PACSIN1: variants seen among roughly 807,000 people sequenced by gnomAD.
The protein encoded by PACSIN1 is protein kinase C and casein kinase substrate in neurons protein 1.
In PACSIN1, 15 loss-of-function variants were observed where a neutral mutation model predicts 59.5. That is an observed-to-expected ratio of 0.25 (90% CI 0.17 to 0.39). The LOEUF is 0.39. Among genes scored for constraint, PACSIN1 ranks in the 10% least tolerant of loss-of-function variants. PACSIN1 has a pLI of 1.00. For synonymous variants in PACSIN1, 210 were observed against 220.6 expected, an observed-to-expected ratio of 0.95 and a Z score of 0.42; for missense variants, 420 against 580.2, an observed-to-expected ratio of 0.72 and a Z score of 2.84.
rs1767399134 is a variant in PACSIN1 at position 34,521,899 on chromosome 6, G to A, written c.-63-4344G>A. On this transcript the variant is annotated intron_variant, in intron 1 of 9. Transcript: ENST00000244458. The surrounding 1 kb of genome is among the most constrained non-coding windows in gnomAD (Gnocchi z 4.3). ...ACACGGTCTCACAGCCCATACATGA[G>A]AGAGCCAGGGTTTGAATCCAGATTA... Among the ~76,000 whole-genome samples, 1 of 152,188 alleles carries A rather than the reference G, an allele frequency of 6.6e-6. No homozygotes were observed. The highest frequency in any genetic ancestry group is 1.5e-5 in the Non-Finnish European group (1 of 68,034).
At chr6:34,473,942 G>A (rs543690157) in intron 1 of PACSIN1, among the ~76,000 whole-genome samples, 127 of 152,088 alleles carry the variant, frequency 8.4e-4, no homozygotes, top group African/African-American at 2.9e-3. Flanking sequence ...TATTCACTTA[G>A]TATTCACATT....
chr6:34,517,483 C>T (rs1028705580), intron 1 of PACSIN1, among the ~76,000 whole-genome samples: 3 of 152,144 alleles, frequency 2.0e-5, no homozygotes, highest in Non-Finnish European at 4.4e-5. Flanking sequence ...AGGCCCTCCC[C>T]AGTTCCCTCC....
intron 1 of PACSIN1, among the ~76,000 whole-genome samples, chr6:34,473,704 T>G (rs1766602594): frequency 6.6e-6 from 1 of 152,196 alleles, no homozygotes; most frequent in South Asian, 2.1e-4. Context: ...TGTTTCCTCT[T>G]CTGTCTTTTA....
rs1353640639 is a variant in PACSIN1 at position 34,514,313 on chromosome 6, T to A, written c.-63-11930T>A. ...CAGCTAGCCCAGGAACCTTGGACTC[T>A]CCAATTCTTTTACAGCTGTGGCCCT... On this transcript the variant is annotated intron_variant, in intron 1 of 9. Transcript: ENST00000244458. The surrounding 1 kb of genome is among the most constrained non-coding windows in gnomAD (Gnocchi z 4.4). Among the ~76,000 whole-genome samples the A allele has an allele frequency of 6.6e-6, 1 of 151,994 alleles. No homozygotes were observed. Among genetic ancestry groups the A allele is most frequent in the Non-Finnish European group, 1.5e-5 (1 of 67,998 alleles).
At chr6:34,504,505 G>T (rs1295121921) in intron 1 of PACSIN1, among the ~76,000 whole-genome samples, 1 of 152,042 alleles carries the variant, frequency 6.6e-6, no homozygotes, top group Non-Finnish European at 1.5e-5. Context: ...TGGCTTGGCT[G>T]ATCTCGAACT....
At chr6:34,496,442 C>G (rs1766948344) in intron 1 of PACSIN1, among the ~76,000 whole-genome samples, 1 of 152,164 alleles carries the variant, frequency 6.6e-6, no homozygotes, top group Admixed American at 6.5e-5. Flanking sequence ...AGGCGGGAGG[C>G]ACATGGGTGA....
chr6:34,513,746 C>T (rs1767241927), intron 1 of PACSIN1, among the ~76,000 whole-genome samples: 1 of 152,108 alleles, frequency 6.6e-6, no homozygotes. Flanking sequence ...AGGGTGGGCC[C>T]TGTCTCCAAC....
intron 1 of PACSIN1, among the ~76,000 whole-genome samples, chr6:34,483,635 C>CTT (rs10608785): frequency 2.1e-5 from 1 of 46,694 alleles, no homozygotes; most frequent in Non-Finnish European, 3.8e-5. Flanking sequence ...CCTTCAAGGA[C>CTT]TTTTTTTTTT....
intron 1 of PACSIN1, among the ~76,000 whole-genome samples, chr6:34,519,237 C>G (rs1767345651): frequency 6.6e-6 from 1 of 152,164 alleles, no homozygotes; most frequent in Admixed American, 6.5e-5. Flanking sequence ...AGCTGGTCCC[C>G]TCTGCCCTGG....
chr6:34,483,635 C>CT (rs10608785), intron 1 of PACSIN1, among the ~76,000 whole-genome samples: 2 of 46,694 alleles, frequency 4.3e-5, no homozygotes, highest in South Asian at 9.5e-4. Flanking sequence ...CCTTCAAGGA[C>CT]TTTTTTTTTT....
Position 34,494,541 on chromosome 6 carries a change from C to T in PACSIN1, c.-64+28271C>T, listed in dbSNP as rs142249260. 3.2e-3 allele frequency among the ~76,000 whole-genome samples: 492 copies of T among 152,236 alleles called. 3 individuals carry two copies. Among genetic ancestry groups the T allele is most frequent in the African/African-American group, 0.011 (461 of 41,542 alleles). On this transcript the variant is annotated intron_variant, in intron 1 of 9. Transcript: ENST00000244458. ...CACTGCAGCCTCAACATCTTGGGCT[C>T]CAGCAATCCTCCTACCTCAGCCTCC...
intron 1 of PACSIN1, among the ~76,000 whole-genome samples, chr6:34,482,305 T>C (rs998870649): frequency 5.3e-5 from 8 of 152,108 alleles, no homozygotes; most frequent in Non-Finnish European, 1.0e-4. Flanking sequence ...AGGCTAGTCT[T>C]GAACCCCTGA....
intron 1 of PACSIN1, among the ~76,000 whole-genome samples, chr6:34,523,631 A>G (rs924690599): frequency 6.6e-6 from 1 of 152,240 alleles, no homozygotes; most frequent in African/African-American, 2.4e-5. Context: ...GTTTGCCCAC[A>G]GGGAGTGCCA....
rs749355204 is a variant in PACSIN1, at chr6:34,531,555, C to T, written c.1038-45C>T. The T allele has an allele frequency of 5.7e-6, 9 of 1,583,702 alleles. No homozygotes were observed. The highest frequency in any genetic ancestry group is 5.6e-5 in the South Asian group (5 of 89,254). ...GGAGGAGCGGTTAGCCCTCGGGATGCGGTACGGGGAGACATTGAAGCTGGC... is the reference window on the plus strand; with the variant it reads ...GGAGGAGCGGTTAGCCCTCGGGATGTGGTACGGGGAGACATTGAAGCTGGC... On this transcript the variant is annotated intron_variant, in intron 8 of 9. Transcript: ENST00000244458. The surrounding 1 kb of genome is among the most constrained non-coding windows in gnomAD (Gnocchi z 4.4).
At chr6:34,472,271 CAAAAAAAAAA>C (rs61560626) in intron 1 of PACSIN1, among the ~76,000 whole-genome samples, 2 of 78,292 alleles carry the variant, frequency 2.6e-5, no homozygotes, top group Non-Finnish European at 4.5e-5. Context: ...GACTCTGTCT[CAAAAAAAAAA>C]AAAAAAAAAA....
chr6:34,488,900 G>A lies in PACSIN1; in HGVS notation c.-64+22630G>A, dbSNP rs1429552035. ...TGACAAATAAAAATTGACTATATTG[G>A]CTGTGCGCAGTGGCTCACACCCGTA... is the stretch of plus-strand genomic sequence containing the variant. On this transcript the variant is annotated intron_variant, in intron 1 of 9. Transcript: ENST00000244458. The surrounding 1 kb of genome is among the most constrained non-coding windows in gnomAD (Gnocchi z 4.7). Among the ~76,000 whole-genome samples, 5 of 152,106 alleles carry A rather than the reference G, an allele frequency of 3.3e-5. No homozygotes were observed. The highest frequency in any genetic ancestry group is 1.9e-4 in the East Asian group (1 of 5,184).
At chr6:34,471,770 G>A (rs1298073250) in intron 1 of PACSIN1, among the ~76,000 whole-genome samples, 1 of 152,126 alleles carries the variant, frequency 6.6e-6, no homozygotes, top group African/African-American at 2.4e-5. Flanking sequence ...CTCTGAGCAG[G>A]GTGCAAAGAT....
At chr6:34,524,456 A>G (rs75285277) in intron 1 of PACSIN1, among the ~76,000 whole-genome samples, 7,686 of 152,168 alleles carry the variant, frequency 0.051, 352 homozygotes, top group African/African-American at 0.11. Context: ...GAAGATGGTC[A>G]CCATCACCAG....
At chr6:34,467,840 G>A (rs572461948) in intron 1 of PACSIN1, among the ~76,000 whole-genome samples, 1 of 152,136 alleles carries the variant, frequency 6.6e-6, no homozygotes, top group Admixed American at 6.5e-5. Context: ...TTACAGGCCT[G>A]AGCCATCATG....
Sources: gnomAD v4.1 joint callset for allele counts (sites outside exome capture counted in the v4.1 genomes callset) on GRCh38, gnomAD v4.1.1 for gene constraint, Gnocchi (gnomAD v3.1) non-coding constraint, MANE v1.5 for transcripts, NCBI Gene and HGNC (gene_info 2026-07-23, HGNC 2026-07-21) for gene names.